The following ARAP2 variants were observed in gnomAD, a reference collection of about 807,000 sequenced individuals.
ARAP2 encodes the protein arf-GAP with Rho-GAP domain, ANK repeat and PH domain-containing protein 2.
ARAP2 carries 148 observed loss-of-function variants against 194.5 expected under a neutral mutation model. That is an observed-to-expected ratio of 0.76 (90% CI 0.67 to 0.87). ARAP2 has a LOEUF of 0.87. Ranked by LOEUF, ARAP2 falls within the 40% of genes least tolerant of loss-of-function variation. The pLI is 0.00. For synonymous variants in ARAP2, 695 were observed against 683.5 expected, an observed-to-expected ratio of 1.02 and a Z score of -0.26; for missense variants, 2,128 against 1,989.7, an observed-to-expected ratio of 1.07 and a Z score of -1.32.
Position 36,067,755 on chromosome 4 carries a change from T to G in ARAP2, c.*152A>C. The G allele has an allele frequency of 2.5e-6, 2 of 787,442 alleles. No individual in the cohort carries two copies. Among genetic ancestry groups the G allele is most frequent in the Non-Finnish European group, 3.9e-6 (2 of 515,482 alleles). 48.8% of individuals were successfully genotyped at this position (787,442 alleles called of 1,614,324 possible). On this transcript the variant is annotated 3_prime_UTR_variant, in exon 33 of 33. Transcript: ENST00000303965. ...TACATTCAGTCACATATATACATAT[T>G]TTTAAATGCTCCTTAAATGCCTAAG...
chr4:36,080,419 T>G (rs1337927178), intron 30 of ARAP2, 140 bp from the exon 31 acceptor site: 2 of 653,112 alleles, frequency 3.1e-6, no homozygotes, highest in Non-Finnish European at 5.3e-6. Flanking sequence ...AAGTGGAACA[T>G]TTCAGTACAA....
At chr4:36,125,490 A>T (rs138945659) in intron 21 of ARAP2, among the ~76,000 whole-genome samples, 2,014 of 152,084 alleles carry the variant, frequency 0.013, 16 homozygotes, top group Middle Eastern at 0.048. Context: ...CCTTCGATCC[A>T]GGTAAAGGGT....
At chr4:36,034,196 G>C (rs1719505648) in intron 5 of ARAP2, among the ~76,000 whole-genome samples, 1 of 152,004 alleles carries the variant, frequency 6.6e-6, no homozygotes, top group Admixed American at 6.6e-5. Flanking sequence ...GTCATTGGTA[G>C]TAATAGGAAT....
chr4:36,130,764 C>T (rs1275624116), intron 20 of ARAP2, among the ~76,000 whole-genome samples: 1 of 151,808 alleles, frequency 6.6e-6, no homozygotes, highest in East Asian at 1.9e-4. Context: ...TTACACAGTG[C>T]CTAGAACTAC....
intron 19 of ARAP2, among the ~76,000 whole-genome samples, chr4:36,144,152 T>C (rs112939483): frequency 3.6e-4 from 54 of 151,666 alleles, no homozygotes; most frequent in African/African-American, 1.2e-3. Context: ...GGCCAAATAC[T>C]CCATAGGTTA....
At chr4:36,088,283 G>A (rs1485227669) in intron 28 of ARAP2, among the ~76,000 whole-genome samples, 1 of 152,010 alleles carries the variant, frequency 6.6e-6, no homozygotes, top group East Asian at 1.9e-4. Flanking sequence ...GAAAATCAAG[G>A]TGGGCGGTCC....
At chr4:36,017,957 A>G (rs538922160) in intron 6 of ARAP2, among the ~76,000 whole-genome samples, 1 of 152,308 alleles carries the variant, frequency 6.6e-6, no homozygotes, top group Non-Finnish European at 1.5e-5. Flanking sequence ...GATTATTTGA[A>G]TTCTTCTATT....
At chr4:36,130,423 C>A (rs1725143254) in intron 20 of ARAP2, among the ~76,000 whole-genome samples, 2 of 151,906 alleles carry the variant, frequency 1.3e-5, no homozygotes, top group Non-Finnish European at 2.9e-5. Context: ...AAGCTCCCAG[C>A]ACAAACTTTG....
chr4:36,205,207 T>G (rs185653756), intron 6 of ARAP2, among the ~76,000 whole-genome samples: 89 of 152,024 alleles, frequency 5.9e-4, no homozygotes, highest in Admixed American at 4.3e-3. Context: ...ATAGGAATTG[T>G]GTCTAGAAGG....
intron 21 of ARAP2, 21 bp downstream of exon 21, chr4:36,128,512 A>ACACACACAC: frequency 7.0e-6 from 11 of 1,573,958 alleles, no homozygotes; most frequent in Non-Finnish European, 8.7e-6. Context: ...ACATATCTAC[A>ACACACACAC]AATATCTGTA....
chr4:36,207,537 C>T (rs1365158189), intron 6 of ARAP2, among the ~76,000 whole-genome samples: 1 of 152,144 alleles, frequency 6.6e-6, no homozygotes, highest in Non-Finnish European at 1.5e-5. Context: ...TTGGGCAATG[C>T]TCACATATTA....
chr4:36,175,807 A>G (rs988279439), intron 9 of ARAP2, among the ~76,000 whole-genome samples: 1 of 152,154 alleles, frequency 6.6e-6, no homozygotes, highest in African/African-American at 2.4e-5. Context: ...AATGCTTCTA[A>G]TTCACTGACT....
intron 15 of ARAP2, among the ~76,000 whole-genome samples, chr4:36,151,724 T>C (rs934990846): frequency 1.3e-5 from 2 of 152,320 alleles, no homozygotes; most frequent in South Asian, 2.1e-4. Flanking sequence ...AGTGGTATCA[T>C]GTCTGCAACT....
intron 2 of ARAP2, among the ~76,000 whole-genome samples, chr4:36,227,456 T>C (rs893453433): frequency 2.6e-5 from 4 of 152,214 alleles, no homozygotes; most frequent in Middle Eastern, 3.2e-3. Flanking sequence ...TATGCTCTAA[T>C]AGGAGATACT....
intron 6 of ARAP2, among the ~76,000 whole-genome samples, chr4:36,210,128 T>C (rs1746415680): frequency 1.3e-5 from 2 of 152,168 alleles, no homozygotes; most frequent in Admixed American, 1.3e-4. Flanking sequence ...AAGGTAACAT[T>C]AAGAAATTAG....
Position 36,229,371 on chromosome 4 carries a change from G to A in ARAP2, c.116C>T (p.Ala39Val), listed in dbSNP as rs781483217. The A allele has an allele frequency of 6.8e-6, 11 of 1,614,036 alleles. No individual in the cohort carries two copies. The South Asian group carries it at 1.1e-4, about 16-fold the overall frequency. ...ESGFTTVKDC[A>V]AINDSLLQKI... ...CTGCAGCAGGCTGTCATTTATTGCTGCACAGTCCTTCACAGTAGTAAAACC... is the reference window on the plus strand; with the variant it reads ...CTGCAGCAGGCTGTCATTTATTGCTACACAGTCCTTCACAGTAGTAAAACC... The change falls in exon 2 of 33, where the codon GCA becomes GTA. Residue 39 changes from alanine to valine, a missense_variant. Transcript: ENST00000303965.
chr4:36,230,047 G>T (rs1751134629), intron 1 of ARAP2, among the ~76,000 whole-genome samples: 1 of 152,184 alleles, frequency 6.6e-6, no homozygotes, highest in Admixed American at 6.5e-5. Context: ...AGGATAGCTA[G>T]CTTAGATAAA....
At chr4:36,189,774 T>C (rs1741445521) in intron 7 of ARAP2, among the ~76,000 whole-genome samples, 1 of 152,346 alleles carries the variant, frequency 6.6e-6, no homozygotes, top group East Asian at 1.9e-4. Context: ...TTCATTTCAC[T>C]CAATTTCACT....
At chr4:36,150,825 T>TA in intron 16 of ARAP2, 75 bp downstream of exon 16, 1 of 1,487,042 alleles carries the variant, frequency 6.7e-7, no homozygotes, top group Admixed American at 2.0e-5. Flanking sequence ...ACTAAAATGA[T>TA]AACAAAACTC....
Sources: allele counts gnomAD v4.1 joint callset (sites outside exome capture counted in the v4.1 genomes callset), GRCh38; gene constraint gnomAD v4.1.1; transcripts MANE v1.5; gene names NCBI Gene and HGNC (gene_info 2026-07-23, HGNC 2026-07-21).